FAM227B: variants seen among roughly 807,000 people sequenced by gnomAD.
The protein encoded by FAM227B is family with sequence similarity 227 member B, also known as protein FAM227B.
FAM227B carries 88 observed loss-of-function variants against 73.8 expected under a neutral mutation model. That is an observed-to-expected ratio of 1.19 (90% CI 1.00 to 1.42). The LOEUF (loss-of-function observed/expected upper bound fraction) is 1.42, where lower values mean the gene tolerates loss of function less well. Ranked by LOEUF, FAM227B falls within the 40% of genes most tolerant of loss-of-function variation. The pLI, the probability that FAM227B is intolerant of heterozygous loss-of-function variation, is 0.00. For missense variants in FAM227B, 632 were observed against 590.9 expected (o/e 1.07, Z -0.72); for synonymous variants, 210 against 190.5 (o/e 1.10, Z -0.84).
intron 13 of FAM227B, among the ~76,000 whole-genome samples, chr15:49,354,458 C>T (rs2042753827): frequency 6.6e-6 from 1 of 152,226 alleles, no homozygotes; most frequent in African/African-American, 2.4e-5. Context: ...CAGGGAGTTC[C>T]CTTTCCGAGT....
chr15:49,568,642 T>A (rs2074852617), intron 8 of FAM227B, among the ~76,000 whole-genome samples: 1 of 152,026 alleles, frequency 6.6e-6, no homozygotes, highest in African/African-American at 2.4e-5. Flanking sequence ...TTTTTGTAAC[T>A]TTTTATTTCA....
intron 11 of FAM227B, 98 bp downstream of exon 11, chr15:49,508,113 C>T: frequency 7.6e-7 from 1 of 1,314,088 alleles, no homozygotes; most frequent in Non-Finnish European, 1.0e-6. Context: ...TTAAGGCCCT[C>T]ACCAAAAACA....
At chr15:49,541,902 C>A in intron 9 of FAM227B, 96 bp from the exon 10 acceptor site, 1 of 978,634 alleles carries the variant, frequency 1.0e-6, no homozygotes. Context: ...ATTTGCCTTG[C>A]AATTTATTAA....
intron 10 of FAM227B, among the ~76,000 whole-genome samples, chr15:49,530,148 TTTAA>T (rs1450610316): frequency 7.9e-5 from 12 of 151,844 alleles, no homozygotes; most frequent in African/African-American, 2.4e-4. Context: ...TTATTATGCT[TTTAA>T]TTGATTCCTA....
intron 9 of FAM227B, among the ~76,000 whole-genome samples, chr15:49,550,200 GC>G (rs1403395374): frequency 6.8e-6 from 1 of 146,654 alleles, no homozygotes; most frequent in Admixed American, 6.7e-5. Flanking sequence ...GGCTGGCCGG[GC>G]GGGGGGCTGA....
intron 11 of FAM227B, among the ~76,000 whole-genome samples, chr15:49,442,853 T>C (rs182317085): frequency 1.4e-4 from 21 of 151,860 alleles, no homozygotes. Flanking sequence ...ACTAAGTCAC[T>C]ACAATTCACC....
intron 13 of FAM227B, among the ~76,000 whole-genome samples, chr15:49,343,127 T>C (rs1391894286): frequency 6.6e-6 from 1 of 152,194 alleles, no homozygotes; most frequent in Non-Finnish European, 1.5e-5. Flanking sequence ...GTTTTCTGTG[T>C]TGTATACTTT....
intron 11 of FAM227B, among the ~76,000 whole-genome samples, chr15:49,418,204 C>T (rs2049347151): frequency 1.3e-5 from 2 of 152,166 alleles, no homozygotes; most frequent in Admixed American, 1.3e-4. Context: ...CACTTACACA[C>T]TGCTGATAGG....
At chr15:49,609,852 C>T (rs1344950332) in intron 3 of FAM227B, among the ~76,000 whole-genome samples, 1 of 151,866 alleles carries the variant, frequency 6.6e-6, no homozygotes, top group Non-Finnish European at 1.5e-5. Context: ...AAAAGATTTA[C>T]AGAGAAACCT....
intron 13 of FAM227B, among the ~76,000 whole-genome samples, chr15:49,358,267 T>C (rs1368327349): frequency 6.9e-6 from 1 of 145,164 alleles, no homozygotes; most frequent in Non-Finnish European, 1.5e-5. Context: ...AAATAAAGGG[T>C]ATTCAATTAG....
At chr15:49,505,320 G>C (rs1339524686) in intron 11 of FAM227B, among the ~76,000 whole-genome samples, 1 of 152,026 alleles carries the variant, frequency 6.6e-6, no homozygotes, top group Non-Finnish European at 1.5e-5. Flanking sequence ...TTTACCTCGA[G>C]TTGTAATGGT....
At chr15:49,357,665 A>G (rs2151372406) in intron 13 of FAM227B, among the ~76,000 whole-genome samples, 1 of 151,392 alleles carries the variant, frequency 6.6e-6, no homozygotes, top group Non-Finnish European at 1.5e-5. Context: ...AGGTACAAGG[A>G]GGAACTGGTA....
At chr15:49,442,897 T>C (rs1030325511) in intron 11 of FAM227B, among the ~76,000 whole-genome samples, 1 of 151,690 alleles carries the variant, frequency 6.6e-6, no homozygotes, top group Non-Finnish European at 1.5e-5. Context: ...AATGATTAGG[T>C]TGATTAGGAA....
intron 10 of FAM227B, among the ~76,000 whole-genome samples, chr15:49,511,673 C>T (rs1452656450): frequency 2.0e-5 from 3 of 152,034 alleles, no homozygotes; most frequent in Non-Finnish European, 4.4e-5. Flanking sequence ...GTGTTCTTAT[C>T]GTTCAGCTCC....
intron 10 of FAM227B, among the ~76,000 whole-genome samples, chr15:49,540,837 T>C (rs1252234817): frequency 6.6e-6 from 1 of 152,196 alleles, no homozygotes; most frequent in Non-Finnish European, 1.5e-5. Context: ...TTGTTTCTTA[T>C]GTTTGAATTA....
intron 11 of FAM227B, among the ~76,000 whole-genome samples, chr15:49,396,702 C>A (rs2047681470): frequency 2.0e-5 from 3 of 150,856 alleles, no homozygotes; most frequent in African/African-American, 7.2e-5. Context: ...GACCCCCGAG[C>A]AGCCTAACTG....
At chr15:49,507,088 C>T (rs2058638668) in intron 11 of FAM227B, among the ~76,000 whole-genome samples, 2 of 151,756 alleles carry the variant, frequency 1.3e-5, no homozygotes, top group African/African-American at 4.8e-5. Flanking sequence ...AATAGCCCCC[C>T]ACCCCCCATA....
chr15:49,545,818 G>C (rs1007352286), intron 9 of FAM227B, among the ~76,000 whole-genome samples: 1 of 152,042 alleles, frequency 6.6e-6, no homozygotes, highest in Non-Finnish European at 1.5e-5. Context: ...TCCTTTTGGA[G>C]TAATTTCTAA....
chr15:49,348,692 T>C (rs1222443513), intron 13 of FAM227B, among the ~76,000 whole-genome samples: 1 of 152,196 alleles, frequency 6.6e-6, no homozygotes, highest in African/African-American at 2.4e-5. Context: ...AACACAAAAT[T>C]ATTATCTGAT....
Sources: gnomAD v4.1 joint callset for allele counts (sites outside exome capture counted in the v4.1 genomes callset) on GRCh38, gnomAD v4.1.1 for gene constraint, MANE v1.5 for transcripts, NCBI Gene and HGNC (gene_info 2026-07-23, HGNC 2026-07-21) for gene names.